The following TSR3 variants were observed in gnomAD, a reference collection of about 807,000 sequenced individuals.
TSR3 encodes TSR3 ribosome maturation factor.
TSR3 carries 31 observed loss-of-function variants against 28.1 expected under a neutral mutation model. The observed-to-expected ratio is 1.10, with a 90% CI of 0.83 to 1.49. TSR3 has a LOEUF of 1.49. Among genes scored for constraint, TSR3 ranks in the 40% most tolerant of loss-of-function variants. The pLI is 0.00. For missense variants in TSR3, 511 were observed against 444.0 expected (o/e 1.15, Z -1.36); for synonymous variants, 219 against 197.2 (o/e 1.11, Z -0.93).
Position 1,350,859 on chromosome 16 carries a change from CCGGCCATAGTTCA to C in TSR3, c.461_473del (p.Val154GlyfsTer18). ...CTTCCACGCAGGAAAGTCTGTAGGG[CCGGCCATAGTTCA>C]CGGGGTTGGCGGCCACCAGGTAGGG... On this transcript the variant is annotated frameshift_variant, in exon 3 of 6. Transcript: ENST00000007390. LOFTEE classifies it high-confidence loss of function. 6.2e-7 allele frequency: 1 copy of C among 1,613,066 alleles called. No individual in the cohort carries two copies. The highest frequency in any genetic ancestry group is 8.5e-7 in the Non-Finnish European group (1 of 1,179,996).
At position 1,350,827 on chromosome 16, in the gene TSR3, G is replaced by A. The variant is rs776447880; in HGVS notation, c.506C>T (p.Ala169Val). 4 of 1,612,806 alleles carry A rather than the reference G, an allele frequency of 2.5e-6. No homozygotes were observed. Among genetic ancestry groups the A allele is most frequent in the East Asian group, 4.5e-5 (2 of 44,900 alleles). Reference sequence around the variant, plus strand: ...CTCACCTACGATGCAGAAGGTGGCAGCAAACGCTTCCACGCAGGAAAGTCT... The same window carrying A: ...CTCACCTACGATGCAGAAGGTGGCAACAAACGCTTCCACGCAGGAAAGTCT... ...PYRLSCVEAF[A>V]ATFCIVGFPD... is the part of the protein sequence containing the mutation. Residue 169 changes from alanine to valine, a missense_variant, in exon 3 of 6, where the codon GCT (alanine) becomes GTT (valine). Physicochemically the swap from Ala to Val is moderately conservative, Grantham distance 64. Coordinates refer to ENST00000007390, the MANE Select transcript of TSR3 (RefSeq NM_001001410.3).
chr16:1,350,533 A>T (rs776706413), intron 3 of TSR3, among the ~76,000 whole-genome samples: 1 of 151,948 alleles, frequency 6.6e-6, no homozygotes, highest in African/African-American at 2.4e-5. Context: ...GACGTGGAGG[A>T]TAAGGAGGAT....
chr16:1,350,882 C>A lies in TSR3; in HGVS notation c.451G>T (p.Ala151Ser), dbSNP rs371158812. The change falls in exon 3 of 6, where the codon GCC becomes TCC. Residue 151 changes from alanine to serine, a missense_variant. Physicochemically the swap from Ala to Ser is moderately conservative, Grantham distance 99. Transcript: ENST00000007390. Reference protein sequence around the residue: ...HLRLLPYLVAANPVNYGRPYR... With the variant: ...HLRLLPYLVASNPVNYGRPYR... ...GGCCGGCCATAGTTCACGGGGTTGG[C>A]GGCCACCAGGTAGGGCAACAGGCGC... 1 of 1,613,008 alleles carries A rather than the reference C, an allele frequency of 6.2e-7. No homozygotes were observed. Among genetic ancestry groups the A allele is most frequent in the East Asian group, 2.2e-5 (1 of 44,880 alleles).
In TSR3 at chr16:1,351,580, G is replaced by A; in HGVS notation, c.131C>T (p.Ala44Val). ...GCCCGGGCCGCCCTCGCCGTCAGCCGCCCCTGGCTCCACGGAAGCTGCACG... is the reference window on the plus strand; with the variant it reads ...GCCCGGGCCGCCCTCGCCGTCAGCCACCCCTGGCTCCACGGAAGCTGCACG... Reference protein sequence around the residue: ...AALQASVEPGAADGEGGPGPA... With the variant: ...AALQASVEPGVADGEGGPGPA... Residue 44 changes from alanine to valine, a missense_variant, in exon 2 of 6, where the codon GCG becomes GTG. Ala to Val is a moderately conservative substitution (Grantham distance 64). Transcript: ENST00000007390. 6.8e-7 allele frequency: 1 copy of A among 1,474,128 alleles called. No individual in the cohort carries two copies. The highest frequency in any genetic ancestry group is 8.9e-7 in the Non-Finnish European group (1 of 1,121,660). 91.3% of individuals were successfully genotyped at this position (1,474,128 alleles called of 1,614,324 possible).
chr16:1,349,924 C>T lies in TSR3; in HGVS notation c.732G>A (p.Glu244=). ...CCACAGGCCTGTTGGGGTTTCCAAA[C>T]TCTCTCCCTGAATCCACATCGAAGG... ...IDPFDVDSGR[E]FGNPNRPVAS... Residue 244 remains glutamate (E), a synonymous_variant, in exon 5 of 6, where the codon GAG becomes GAA. Transcript: ENST00000007390. 1 of 1,613,658 alleles carries T rather than the reference C, an allele frequency of 6.2e-7. No individual in the cohort carries two copies. The highest frequency in any genetic ancestry group is 8.5e-7 in the Non-Finnish European group (1 of 1,180,020).
chr16:1,350,696 T>C (rs2034647598), intron 3 of TSR3, 111 bp downstream of exon 3: 5 of 1,290,718 alleles, frequency 3.9e-6, no homozygotes, highest in Admixed American at 2.0e-5. Context: ...ACTGTTCCCC[T>C]GTCCGTCCCT....
Position 1,351,861 on chromosome 16 carries a change from C to T in TSR3, c.-57G>A, listed in dbSNP as rs1272413907. ...CCCCACGGCCGCGCCCCTCGGCCTCCCAATGGGCTGTGCGGCTGCCAGCGC... is the reference window on the plus strand; with the variant it reads ...CCCCACGGCCGCGCCCCTCGGCCTCTCAATGGGCTGTGCGGCTGCCAGCGC... On this transcript the variant is annotated 5_prime_UTR_variant, in exon 1 of 6. Transcript: ENST00000007390. The T allele has an allele frequency of 1.6e-6, 2 of 1,272,782 alleles. No homozygotes were observed. Among genetic ancestry groups the T allele is most frequent in the Non-Finnish European group, 2.0e-6 (2 of 1,014,806 alleles). The allele number at this position is 1,272,782 out of a possible 1,614,324, so 78.8% of individuals were successfully genotyped here.
At chr16:1,349,788 GTT>G (rs1240055569) in intron 5 of TSR3, 99 bp downstream of exon 5, 1 of 1,481,366 alleles carries the variant, frequency 6.8e-7, no homozygotes, top group Non-Finnish European at 9.3e-7. Flanking sequence ...CCATCGGGGT[GTT>G]GTTTACAACA....
chr16:1,351,638 A>AC, intron 1 of TSR3, 40 bp from the exon 2 acceptor site: 2 of 1,433,572 alleles, frequency 1.4e-6, no homozygotes, highest in South Asian at 1.4e-5. Context: ...TCAGCGTGGG[A>AC]CCCCCGGGCA....
At position 1,350,133 on chromosome 16, in the gene TSR3, T is replaced by G. The variant is rs917702750; in HGVS notation, c.628A>C (p.Ser210Arg). 3 of 1,612,256 alleles carry G rather than the reference T, an allele frequency of 1.9e-6. No individual in the cohort carries two copies. The highest frequency in any genetic ancestry group is 2.5e-6 in the Non-Finnish European group (3 of 1,179,558). ...TCCGCCTGCAGCACCTCCTCCGGGC[T>G]GCCGCAGGCCGCGTACTTGTCCAGG... The part of the protein sequence containing the change: ...QLLDKYAACG[S>R]PEEVLQAEQE... The change falls in exon 4 of 6, where the codon AGC becomes CGC. Residue 210 changes from serine (S) to arginine (R), a missense_variant. Physicochemically the swap from Ser to Arg is moderately radical, Grantham distance 110 (BLOSUM62 -1). Transcript: ENST00000007390.
Position 1,351,832 on chromosome 16 carries a change from C to A in TSR3, c.-28G>T, listed in dbSNP as rs570065824. 2.9e-5 allele frequency: 38 copies of A among 1,291,774 alleles called. No homozygotes were observed. The South Asian group carries it at 5.6e-4, about 19-fold the overall frequency. 80.0% of individuals were successfully genotyped at this position (1,291,774 alleles called of 1,614,324 possible). A position where few individuals can be genotyped will look rare whatever the true frequency, so the allele number is the denominator to read the frequency against. ...CGCGGACCTGGGGTGCCGGGGACTCCCCACCCCACGGCCGCGCCCCTCGGC... is the reference window on the plus strand; with the variant it reads ...CGCGGACCTGGGGTGCCGGGGACTCACCACCCCACGGCCGCGCCCCTCGGC... On this transcript the variant is annotated 5_prime_UTR_variant, in exon 1 of 6. Transcript: ENST00000007390.
At chr16:1,351,269 G>A in intron 2 of TSR3, 110 bp downstream of exon 2, 1 of 1,220,198 alleles carries the variant, frequency 8.2e-7, no homozygotes, top group Non-Finnish European at 1.1e-6. Context: ...GACGTTCCCT[G>A]CCCACGTGGG....
chr16:1,350,904 G>A lies in TSR3; in HGVS notation c.429C>T (p.Arg143=). The change falls in exon 3 of 6, where the codon CGC becomes CGT. Residue 143 remains arginine (R), a synonymous_variant. Transcript: ENST00000007390. ...TGGCGGCCACCAGGTAGGGCAACAG[G>A]CGCAAGTGGCTCCCTCGCATCTTCC... ...PFGKMRGSHL[R]LLPYLVAANP... is the part of the protein sequence containing the mutation. 6.2e-7 allele frequency: 1 copy of A among 1,613,016 alleles called. No individual in the cohort carries two copies. The highest frequency in any genetic ancestry group is 8.5e-7 in the Non-Finnish European group (1 of 1,180,012).
At position 1,350,980 on chromosome 16, in the gene TSR3, C is replaced by T. The variant is rs773695433; in HGVS notation, c.353G>A (p.Gly118Glu). 1.9e-6 allele frequency: 3 copies of T among 1,611,920 alleles called. No homozygotes were observed. The Admixed American group carries it at 5.0e-5, about 27-fold the overall frequency. ...PADRQLVAQS[G>E]VAVIDCSWAR... Reference sequence around the variant, plus strand: ...CCAGGAGCAGTCGATGACGGCGACCCCAGACTGCGCCACCAGCTGTCTGCC... The same window carrying T: ...CCAGGAGCAGTCGATGACGGCGACCTCAGACTGCGCCACCAGCTGTCTGCC... Residue 118 changes from glycine to glutamate, a missense_variant, in exon 3 of 6, where the codon GGG becomes GAG. By Grantham distance (98) the Gly-to-Glu change is moderately conservative. Transcript: ENST00000007390.
chr16:1,350,137 G>A lies in TSR3; in HGVS notation c.624C>T (p.Cys208=), dbSNP rs759381551. The A allele has an allele frequency of 9.3e-6, 15 of 1,612,014 alleles. No homozygotes were observed. Among genetic ancestry groups the A allele is most frequent in the Admixed American group, 3.3e-5 (2 of 59,970 alleles). Reference sequence around the variant, plus strand: ...CCTGCAGCACCTCCTCCGGGCTGCCGCAGGCCGCGTACTTGTCCAGGAGCT... The same window carrying A: ...CCTGCAGCACCTCCTCCGGGCTGCCACAGGCCGCGTACTTGTCCAGGAGCT... The part of the protein sequence containing the change: ...NRQLLDKYAA[C]GSPEEVLQAE... Residue 208 remains cysteine, a synonymous_variant, in exon 4 of 6, where the codon TGC becomes TGT. Coordinates refer to ENST00000007390, the MANE Select transcript of TSR3 (RefSeq NM_001001410.3).
Position 1,350,194 on chromosome 16 carries a change from T to A in TSR3, c.567A>T (p.Lys189Asn). The A allele has an allele frequency of 6.2e-7, 1 of 1,605,578 alleles. No individual in the cohort carries two copies. Among genetic ancestry groups the A allele is most frequent in the Non-Finnish European group, 8.5e-7 (1 of 1,178,746 alleles). ...TCAGGTCCAAGAAGCCCTTGCCCCATTTAAACTTCCGCAGCAAAATGACAG... is the reference window on the plus strand; with the variant it reads ...TCAGGTCCAAGAAGCCCTTGCCCCAATTAAACTTCCGCAGCAAAATGACAG... ...DLAVILLRKF[K>N]WGKGFLDLNR... Residue 189 changes from lysine (K) to asparagine (N), a missense_variant, in exon 4 of 6, where the codon AAA (lysine) becomes AAT (asparagine). Transcript: ENST00000007390.
Position 1,349,254 on chromosome 16 carries a change from C to T in TSR3, c.*183G>A. 1.4e-6 allele frequency: 1 copy of T among 706,500 alleles called. No homozygotes were observed. The highest frequency in any genetic ancestry group is 2.5e-6 in the Non-Finnish European group (1 of 404,292). The allele number at this position is 706,500 out of a possible 1,614,324, so 43.8% of individuals were successfully genotyped here. The stretch of plus-strand genomic sequence containing the variant: ...TCACAAGGGGCTTCTTGGCCTGCAG[C>T]TTCATTTGCGAGAGCGCCGAGGCAG... On this transcript the variant is annotated 3_prime_UTR_variant, in exon 6 of 6. Coordinates refer to ENST00000007390, the MANE Select transcript of TSR3 (RefSeq NM_001001410.3).
intron 4 of TSR3, 27 bp downstream of exon 4, chr16:1,350,031 C>T (rs2034627306): frequency 2.5e-6 from 4 of 1,609,636 alleles, no homozygotes; most frequent in Non-Finnish European, 3.4e-6. Flanking sequence ...TTTGGAGGGC[C>T]TTGGTTCCCA....
chr16:1,351,779 C>G lies in TSR3; in HGVS notation c.26G>C (p.Gly9Ala), dbSNP rs1220118994. Residue 9 changes from glycine (G) to alanine (A), a missense_variant, in exon 1 of 6, where the codon GGG becomes GCG. Physicochemically the swap from Gly to Ala is moderately conservative, Grantham distance 60 (BLOSUM62 0). Transcript: ENST00000007390. ...AGGGCGGCCGCCTTCCGCCCCCGGCCCGCGCGCTGCCCTCCTGCGGCCCAT... is the reference window on the plus strand; with the variant it reads ...AGGGCGGCCGCCTTCCGCCCCCGGCGCGCGCGCTGCCCTCCTGCGGCCCAT... MGRRRAARGPGAEGGRPRH... is the reference protein window; with the variant it reads MGRRRAARAPGAEGGRPRH... The G allele has an allele frequency of 2.2e-6, 3 of 1,343,136 alleles. No individual in the cohort carries two copies. The highest frequency in any genetic ancestry group is 6.3e-5 in the East Asian group (2 of 31,764). 83.2% of individuals were successfully genotyped at this position (1,343,136 alleles called of 1,614,324 possible). A position where few individuals can be genotyped will look rare whatever the true frequency, so the allele number is the denominator to read the frequency against.
Sources: allele counts gnomAD v4.1 joint callset (sites outside exome capture counted in the v4.1 genomes callset), GRCh38; gene constraint gnomAD v4.1.1; transcripts MANE v1.5; gene names NCBI Gene and HGNC (gene_info 2026-07-23, HGNC 2026-07-21).